EPHA6: variants seen among roughly 807,000 people sequenced by gnomAD.
The protein encoded by EPHA6 is ephrin type-A receptor 6.
Under a neutral mutation model 112.0 loss-of-function variants are expected in EPHA6, and 50 were observed. That is an observed-to-expected ratio of 0.45 (90% CI 0.36 to 0.56). The LOEUF (loss-of-function observed/expected upper bound fraction) is 0.56, where lower values mean the gene tolerates loss of function less well. Among genes scored for constraint, EPHA6 ranks in the 20% least tolerant of loss-of-function variants. EPHA6 has a pLI of 0.00. For synonymous variants in EPHA6, 529 were observed against 490.7 expected (o/e 1.08, Z -1.03); for missense variants, 1,280 against 1,417.4 (o/e 0.90, Z 1.56).
At chr3:97,407,768 A>G (rs1404497595) in intron 6 of EPHA6, among the ~76,000 whole-genome samples, 1 of 151,894 alleles carries the variant, frequency 6.6e-6, no homozygotes, top group African/African-American at 2.4e-5. Context: ...CTTTTCTCCA[A>G]TAGGCTCTCC....
chr3:96,898,430 C>A (rs1175463080), intron 2 of EPHA6, among the ~76,000 whole-genome samples: 1 of 152,148 alleles, frequency 6.6e-6, no homozygotes, highest in African/African-American at 2.4e-5. Context: ...CAATACCTTC[C>A]TGCCCCGATT....
At position 97,748,617 on chromosome 3, in the gene EPHA6, T is replaced by C. The variant is rs767844480; in HGVS notation, c.3309T>C (p.Ile1103=). The C allele has an allele frequency of 3.1e-6, 5 of 1,610,612 alleles. No individual in the cohort carries two copies. Among genetic ancestry groups the C allele is most frequent in the Non-Finnish European group, 3.4e-6 (4 of 1,177,150 alleles). ...TTAGAAGAATTGGAGTCATACTTAT[T>C]GGACACCAGAGACGAATAGTCAGCA... ...DDIRRIGVIL[I]GHQRRIVSSI... is the part of the protein sequence containing the mutation. The change falls in exon 18 of 18, where the codon ATT becomes ATC. Residue 1103 remains isoleucine, a synonymous_variant. Transcript: ENST00000389672.
chr3:97,488,176 C>T (rs1560061491), intron 10 of EPHA6, among the ~76,000 whole-genome samples: 1 of 152,172 alleles, frequency 6.6e-6, no homozygotes, highest in Non-Finnish European at 1.5e-5. Flanking sequence ...AATGGAAATA[C>T]ATAATATCTT....
chr3:96,933,947 TTTTTATAAC>T (rs2040457682), intron 2 of EPHA6, among the ~76,000 whole-genome samples: 1 of 152,128 alleles, frequency 6.6e-6, no homozygotes, highest in East Asian at 1.9e-4. Context: ...TATGACTCAA[TTTTTATAAC>T]AATTGATGAA....
intron 5 of EPHA6, among the ~76,000 whole-genome samples, chr3:97,269,788 G>T (rs767077159): frequency 6.6e-6 from 1 of 151,678 alleles, no homozygotes; most frequent in African/African-American, 2.4e-5. Context: ...ATTAAGGATG[G>T]AAACAATATA....
At chr3:97,641,744 C>A (rs530175707) in intron 14 of EPHA6, among the ~76,000 whole-genome samples, 3 of 152,364 alleles carry the variant, frequency 2.0e-5, no homozygotes, top group South Asian at 4.1e-4. Context: ...GCTTAAAAAA[C>A]AGCGCACCAC....
At chr3:96,861,105 A>G (rs1371930133) in intron 1 of EPHA6, among the ~76,000 whole-genome samples, 1 of 152,088 alleles carries the variant, frequency 6.6e-6, no homozygotes, top group Non-Finnish European at 1.5e-5. Context: ...AGCAGGTTTT[A>G]GGAATGATTA....
intron 12 of EPHA6, among the ~76,000 whole-genome samples, chr3:97,602,142 T>G (rs1042908874): frequency 6.6e-6 from 1 of 152,038 alleles, no homozygotes; most frequent in Non-Finnish European, 1.5e-5. Flanking sequence ...ACAACTGAAA[T>G]TTCAACTGCT....
intron 1 of EPHA6, among the ~76,000 whole-genome samples, chr3:96,820,814 G>A (rs2033195063): frequency 6.6e-6 from 1 of 151,876 alleles, no homozygotes; most frequent in African/African-American, 2.4e-5. Context: ...TTTTTTGTCA[G>A]CGAACGACTG....
At chr3:96,850,051 T>G in intron 1 of EPHA6, among the ~76,000 whole-genome samples, 1 of 152,146 alleles carries the variant, frequency 6.6e-6, no homozygotes, top group East Asian at 1.9e-4. Flanking sequence ...AGACTGTTCC[T>G]GTATAGCTCA....
At chr3:96,822,148 A>G (rs913348451) in intron 1 of EPHA6, among the ~76,000 whole-genome samples, 1 of 152,092 alleles carries the variant, frequency 6.6e-6, no homozygotes, top group African/African-American at 2.4e-5. Context: ...TATGCATTTT[A>G]CAAACATGTT....
intron 11 of EPHA6, among the ~76,000 whole-genome samples, chr3:97,571,194 C>T (rs2093329263): frequency 6.6e-6 from 1 of 151,998 alleles, no homozygotes; most frequent in African/African-American, 2.4e-5. Context: ...TTAAAAAATA[C>T]TGCTGCCAGG....
At chr3:97,097,649 A>T (rs2047281178) in intron 3 of EPHA6, among the ~76,000 whole-genome samples, 1 of 151,828 alleles carries the variant, frequency 6.6e-6, no homozygotes, top group Admixed American at 6.6e-5. Context: ...AGATTGGAAG[A>T]CCTTTTGTAT....
chr3:96,820,256 A>G (rs1025110754), intron 1 of EPHA6, among the ~76,000 whole-genome samples: 3 of 152,112 alleles, frequency 2.0e-5, no homozygotes, highest in Non-Finnish European at 4.4e-5. Flanking sequence ...GAATTTTTAT[A>G]TTATCCTAGA....
Position 97,226,432 on chromosome 3 carries a change from A to C in EPHA6, c.1270+13A>C. On this transcript the variant is annotated intron_variant, in intron 4 of 17. Transcript: ENST00000389672. ...ATGGCATGTACCAGTAAGTCTATAC[A>C]TTTTGGATTTGGAAATTCTGTTTCC... 5.1e-6 allele frequency: 8 copies of C among 1,582,808 alleles called. No individual in the cohort carries two copies. The highest frequency in any genetic ancestry group is 6.8e-6 in the Non-Finnish European group (8 of 1,168,044).
intron 11 of EPHA6, among the ~76,000 whole-genome samples, chr3:97,566,163 A>G (rs947175617): frequency 6.6e-6 from 1 of 152,184 alleles, no homozygotes; most frequent in African/African-American, 2.4e-5. Flanking sequence ...ATCATGTGGC[A>G]AGAGTGGTAG....
At position 97,108,592 on chromosome 3, in the gene EPHA6, G is replaced by A. The variant is rs967119503; in HGVS notation, c.1115-117672G>A. Among the ~76,000 whole-genome samples the A allele has an allele frequency of 3.9e-5, 6 of 152,222 alleles. No individual in the cohort carries two copies. The South Asian group carries it at 1.2e-3, about 32-fold the overall frequency. ...AAAGTCATGAGATCTAAGAGATGAA[G>A]GGACGATTTTTCAGTGACCCACTCC... On this transcript the variant is annotated intron_variant, in intron 3 of 17. Coordinates refer to ENST00000389672, the MANE Select transcript of EPHA6 (RefSeq NM_001080448.3).
At chr3:97,386,962 G>A (rs897940629) in intron 5 of EPHA6, among the ~76,000 whole-genome samples, 4 of 152,182 alleles carry the variant, frequency 2.6e-5, no homozygotes, top group African/African-American at 9.6e-5. Flanking sequence ...TGAAGCAATG[G>A]CCCAAGTTGT....
intron 4 of EPHA6, among the ~76,000 whole-genome samples, chr3:97,228,354 T>C (rs2078421042): frequency 6.6e-6 from 1 of 152,066 alleles, no homozygotes; most frequent in African/African-American, 2.4e-5. Flanking sequence ...AATTCCATTA[T>C]ATCATTCTTA....
Sources: gnomAD v4.1 joint callset for allele counts (sites outside exome capture counted in the v4.1 genomes callset) on GRCh38, gnomAD v4.1.1 for gene constraint, MANE v1.5 for transcripts, NCBI Gene and HGNC (gene_info 2026-07-23, HGNC 2026-07-21) for gene names.